The following FAM149B1 variants were observed in gnomAD, a reference collection of about 807,000 sequenced individuals.
FAM149B1 encodes primary cilium assembly protein FAM149B1.
In FAM149B1, 56 loss-of-function variants were observed where a neutral mutation model predicts 75.3. The ratio of observed to expected loss-of-function variants is 0.74; its 90% CI spans 0.60 to 0.93. The LOEUF is 0.93. FAM149B1 is among the 40% of genes least tolerant of loss of function. FAM149B1 has a pLI of 0.00. For missense variants in FAM149B1, 639 were observed against 708.4 expected (o/e 0.90, Z 1.11); for synonymous variants, 259 against 256.1 (o/e 1.01, Z -0.11).
intron 7 of FAM149B1, among the ~76,000 whole-genome samples, chr10:73,210,832 A>AG (rs1487485696): frequency 6.6e-6 from 1 of 152,074 alleles, no homozygotes; most frequent in Non-Finnish European, 1.5e-5. Context: ...TCAAAAAAGA[A>AG]GAAAAAAAAA....
At chr10:73,199,463 C>T (rs1249729927) in intron 5 of FAM149B1, among the ~76,000 whole-genome samples, 1 of 152,054 alleles carries the variant, frequency 6.6e-6, no homozygotes. Context: ...ATGGTCCACC[C>T]TCCTCAGCCT....
In FAM149B1 at chr10:73,233,114, T is replaced by G; in HGVS notation, c.1303T>G (p.Cys435Gly). The G allele has an allele frequency of 6.4e-7, 1 of 1,551,786 alleles. No individual in the cohort carries two copies. The highest frequency in any genetic ancestry group is 1.2e-5 in the South Asian group (1 of 84,064). The change falls in exon 10 of 14, where the codon TGT becomes GGT. Residue 435 changes from cysteine to glycine, a missense_variant. Coordinates refer to ENST00000242505, the MANE Select transcript of FAM149B1 (RefSeq NM_173348.2). ...TCATCCGATCAGCACGAGCCATTCA[T>G]GTGCTGAAACACCAAGATCTGTGGA... The part of the protein sequence containing the change: ...TLHPISTSHS[C>G]AETPRSVEEI...
intron 5 of FAM149B1, among the ~76,000 whole-genome samples, chr10:73,199,118 C>T (rs564565046): frequency 6.6e-6 from 1 of 152,294 alleles, no homozygotes; most frequent in East Asian, 1.9e-4. Flanking sequence ...TTCTGTCACA[C>T]AAGAAAACAC....
At chr10:73,183,465 T>G (rs1194368932) in intron 3 of FAM149B1, 1 of 152,220 alleles carries the variant, frequency 6.6e-6, no homozygotes, top group Non-Finnish European at 1.5e-5. Flanking sequence ...AGGTGAATTC[T>G]CTCATCCATT....
chr10:73,173,742 T>C (rs750838163), intron 1 of FAM149B1, among the ~76,000 whole-genome samples: 8 of 152,240 alleles, frequency 5.3e-5, no homozygotes, highest in Non-Finnish European at 1.0e-4. Flanking sequence ...ATTTTACACA[T>C]TCATGACATA....
intron 13 of FAM149B1, among the ~76,000 whole-genome samples, chr10:73,240,478 C>T (rs748162205): frequency 7.9e-5 from 12 of 152,072 alleles, no homozygotes; most frequent in South Asian, 2.1e-4. Context: ...TTTCGGAGGC[C>T]AAGGCGGGCG....
chr10:73,177,131 G>T (rs770256567), intron 2 of FAM149B1, among the ~76,000 whole-genome samples: 5 of 152,052 alleles, frequency 3.3e-5, no homozygotes, highest in Non-Finnish European at 5.9e-5. Flanking sequence ...TTGAACCCAG[G>T]AGGCGGAGGT....
chr10:73,174,563 T>TG, intron 1 of FAM149B1, 124 bp from the exon 2 acceptor site: 1 of 613,158 alleles, frequency 1.6e-6, no homozygotes, highest in Non-Finnish European at 2.8e-6. Flanking sequence ...TAATCACTGG[T>TG]GGCTACCATA....
At chr10:73,223,616 T>C (rs2043468001) in intron 7 of FAM149B1, among the ~76,000 whole-genome samples, 1 of 152,240 alleles carries the variant, frequency 6.6e-6, no homozygotes, top group African/African-American at 2.4e-5. Context: ...TGGTTATACC[T>C]ACTTACAGCC....
In FAM149B1 at chr10:73,233,013, C is replaced by G; in HGVS notation, c.1202C>G (p.Ala401Gly). Residue 401 changes from alanine to glycine, a missense_variant, in exon 10 of 14, where the codon GCT (alanine) becomes GGT (glycine). By Grantham distance (60) the Ala-to-Gly change is moderately conservative. Transcript: ENST00000242505. ...ILSTRNWPNR[A>G]VEFSTSSLSY... ...TCAACTCGAAATTGGCCAAATCGAG[C>G]TGTGGAGTTTAGTACATCATCTCTG... The G allele has an allele frequency of 6.4e-7, 1 of 1,551,806 alleles. No homozygotes were observed. Among genetic ancestry groups the G allele is most frequent in the Non-Finnish European group, 8.7e-7 (1 of 1,146,892 alleles).
chr10:73,219,859 T>C (rs1365189274), intron 7 of FAM149B1, among the ~76,000 whole-genome samples: 1 of 152,100 alleles, frequency 6.6e-6, no homozygotes, highest in Non-Finnish European at 1.5e-5. Context: ...TTACATTCTT[T>C]AGATATGACA....
intron 5 of FAM149B1, among the ~76,000 whole-genome samples, chr10:73,203,643 ATTT>A (rs200573557): frequency 2.9e-4 from 42 of 145,914 alleles, no homozygotes; most frequent in Non-Finnish European, 3.0e-4. Flanking sequence ...TGTGATCATA[ATTT>A]TTTTTTTTTT....
rs147148422 is a variant in FAM149B1 at position 73,238,001 on chromosome 10, C to T, written c.1603-1311C>T. ...GTAAAAATTACTTACCATTTCTCTC[C>T]CCATTTGCTGTCATAAAAAGGGAGA... On this transcript the variant is annotated intron_variant, in intron 12 of 13. Coordinates refer to ENST00000242505, the MANE Select transcript of FAM149B1 (RefSeq NM_173348.2). Among the ~76,000 whole-genome samples, 18 of 152,182 alleles carry T rather than the reference C, an allele frequency of 1.2e-4. 1 individual carries two copies. In the East Asian group the frequency reaches 3.5e-3, roughly 29 times the overall value.
chr10:73,216,555 C>T (rs188869262), intron 7 of FAM149B1, among the ~76,000 whole-genome samples: 7 of 152,202 alleles, frequency 4.6e-5, no homozygotes, highest in African/African-American at 1.7e-4. Flanking sequence ...ACCTTGTGAC[C>T]ACAGAGGATG....
intron 1 of FAM149B1, among the ~76,000 whole-genome samples, chr10:73,171,186 G>A (rs1843697810): frequency 6.6e-6 from 1 of 152,082 alleles, no homozygotes; most frequent in African/African-American, 2.4e-5. Flanking sequence ...GACTCTGTCT[G>A]CCTCGGTCTC....
chr10:73,200,653 C>A (rs1200504508), intron 5 of FAM149B1: 4 of 552,772 alleles, frequency 7.2e-6, no homozygotes, highest in South Asian at 5.4e-5. Context: ...TGCTTTCTGC[C>A]ATGATGCCAA....
intron 8 of FAM149B1, among the ~76,000 whole-genome samples, chr10:73,230,110 T>C (rs189809341): frequency 2.6e-5 from 4 of 152,304 alleles, no homozygotes; most frequent in African/African-American, 9.6e-5. Flanking sequence ...GTGAGTTTTC[T>C]CTTCTATTTT....
intron 8 of FAM149B1, 86 bp downstream of exon 8, chr10:73,228,270 A>T: frequency 9.1e-7 from 1 of 1,096,088 alleles, no homozygotes. Context: ...TACTTGTATG[A>T]TTTCTGACTC....
chr10:73,233,046 C>T lies in FAM149B1; in HGVS notation c.1235C>T (p.Thr412Ile). The change falls in exon 10 of 14, where the codon ACA becomes ATA. Residue 412 changes from threonine (T) to isoleucine (I), a missense_variant. Thr to Ile is a moderately conservative substitution (Grantham distance 89). Coordinates refer to ENST00000242505, the MANE Select transcript of FAM149B1 (RefSeq NM_173348.2). Reference protein sequence around the residue: ...VEFSTSSLSYTVQSTRRRNPP... With the variant: ...VEFSTSSLSYIVQSTRRRNPP... ...TTTAGTACATCATCTCTGTCATACA[C>T]AGTGCAGTCCACCAGGAGACGCAAT... 1 of 1,551,610 alleles carries T rather than the reference C, an allele frequency of 6.4e-7. No homozygotes were observed. The highest frequency in any genetic ancestry group is 1.2e-5 in the South Asian group (1 of 84,054).
Sources: allele counts gnomAD v4.1 joint callset (sites outside exome capture counted in the v4.1 genomes callset), GRCh38; gene constraint gnomAD v4.1.1; transcripts MANE v1.5; gene names NCBI Gene and HGNC (gene_info 2026-07-23, HGNC 2026-07-21).